Variants in TACC1 observed in about 807,000 individuals in gnomAD.
TACC1 encodes transforming acidic coiled-coil containing protein 1, also known as transforming acidic coiled-coil-containing protein 1.
In TACC1, 48 loss-of-function variants were observed where a neutral mutation model predicts 84.4. The ratio of observed to expected loss-of-function variants is 0.57; its 90% CI spans 0.45 to 0.72. TACC1 has a LOEUF of 0.72. Among genes scored for constraint, TACC1 ranks in the 30% least tolerant of loss-of-function variants. TACC1 has a pLI of 0.00. For missense variants in TACC1, 920 were observed against 973.0 expected (o/e 0.95, Z 0.72); for synonymous variants, 372 against 376.3 (o/e 0.99, Z 0.13).
At chr8:38,755,085 G>A (rs1302595877) in intron 3 of TACC1, among the ~76,000 whole-genome samples, 2 of 151,178 alleles carry the variant, frequency 1.3e-5, no homozygotes, top group East Asian at 1.9e-4. Flanking sequence ...ATTTGAACCC[G>A]GGAGGCAGAG....
intron 1 of TACC1, among the ~76,000 whole-genome samples, chr8:38,736,648 A>G (rs1806020914): frequency 6.6e-6 from 1 of 152,156 alleles, no homozygotes; most frequent in Non-Finnish European, 1.5e-5. Flanking sequence ...GATAACCTTT[A>G]CAGGTTCCAG....
At chr8:38,831,034 C>A (rs1463349145) in intron 5 of TACC1, 91 bp from the exon 6 acceptor site, 3 of 1,117,522 alleles carry the variant, frequency 2.7e-6, no homozygotes, top group Non-Finnish European at 4.0e-6. Context: ...ATAAGTCATT[C>A]TCGCCTGCAC....
Position 38,819,987 on chromosome 8 carries a change from CAG to C in TACC1, c.745_746del (p.Asp249HisfsTer20). The C allele has an allele frequency of 6.2e-7, 1 of 1,614,040 alleles. No homozygotes were observed. Among genetic ancestry groups the C allele is most frequent in the Non-Finnish European group, 8.5e-7 (1 of 1,180,048 alleles). ...AAGAAAGCAATTGGAGGAGAGTTCT[CAG>C]ACACCAACGCTGCTGTGGAGGGCAC... On this transcript the variant is annotated frameshift_variant, in exon 3 of 13. Transcript: ENST00000317827. LOFTEE classifies it high-confidence loss of function.
intron 7 of TACC1, among the ~76,000 whole-genome samples, chr8:38,837,998 G>A (rs1322430236): frequency 6.6e-6 from 1 of 152,254 alleles, no homozygotes; most frequent in Non-Finnish European, 1.5e-5. Context: ...CTATGAAGCT[G>A]TCAGAAATCT....
At chr8:38,773,194 C>T (rs977679936) in intron 3 of TACC1, among the ~76,000 whole-genome samples, 14 of 151,608 alleles carry the variant, frequency 9.2e-5, no homozygotes, top group Non-Finnish European at 1.5e-4. Flanking sequence ...GGCGTGGTGG[C>T]GGGCACCCGT....
chr8:38,757,292 C>A (rs1469952993), intron 3 of TACC1: 2 of 1,249,592 alleles, frequency 1.6e-6, no homozygotes, highest in African/African-American at 1.6e-5. Context: ...CGCCCGCCGC[C>A]CAGCACAGGA....
chr8:38,819,377 G>A, intron 2 of TACC1, 145 bp from the exon 3 acceptor site: 2 of 942,542 alleles, frequency 2.1e-6, no homozygotes, highest in Non-Finnish European at 3.1e-6. Flanking sequence ...TTCAGGCTGT[G>A]CTGCCATCCT....
At chr8:38,749,757 A>G (rs1808709848) in intron 3 of TACC1, among the ~76,000 whole-genome samples, 1 of 151,910 alleles carries the variant, frequency 6.6e-6, no homozygotes. Flanking sequence ...ACGCCTGGCT[A>G]ATTTTTGTAT....
chr8:38,746,338 C>G (rs1808090275), intron 3 of TACC1, among the ~76,000 whole-genome samples: 1 of 152,196 alleles, frequency 6.6e-6, no homozygotes, highest in Admixed American at 6.5e-5. Context: ...TTTATATTAG[C>G]TTGACTTAGA....
intron 2 of TACC1, among the ~76,000 whole-genome samples, chr8:38,811,231 C>T (rs573225077): frequency 7.6e-4 from 62 of 81,310 alleles, no homozygotes; most frequent in Middle Eastern, 5.1e-3. Context: ...ATGTCCAAGG[C>T]TAAACCCATG....
intron 6 of TACC1, among the ~76,000 whole-genome samples, chr8:38,834,859 T>G (rs887230664): frequency 3.3e-5 from 5 of 152,258 alleles, no homozygotes; most frequent in African/African-American, 1.2e-4. Context: ...TTATAATCAG[T>G]AACTAATTGA....
chr8:38,794,357 G>A (rs956780475), intron 2 of TACC1, among the ~76,000 whole-genome samples: 1 of 151,874 alleles, frequency 6.6e-6, no homozygotes, highest in Non-Finnish European at 1.5e-5. Context: ...GGCTGGTCTC[G>A]AACTCCTGGG....
At chr8:38,840,364 T>C in intron 9 of TACC1, 97 bp downstream of exon 9, 3 of 1,115,816 alleles carry the variant, frequency 2.7e-6, no homozygotes, top group South Asian at 1.3e-5. Flanking sequence ...AGGTAGCTTA[T>C]AAACAACAAA....
chr8:38,754,477 G>A (rs776660406), intron 3 of TACC1, among the ~76,000 whole-genome samples: 6 of 152,178 alleles, frequency 3.9e-5, no homozygotes, highest in South Asian at 2.1e-4. Context: ...GAAGGGAACC[G>A]CAGCTCTGAC....
At position 38,751,546 on chromosome 8, in the gene TACC1, C is replaced by T. The variant is rs138561021; in HGVS notation, c.26+6053C>T. 2.0e-5 allele frequency among the ~76,000 whole-genome samples: 3 copies of T among 152,294 alleles called. No individual in the cohort carries two copies. In the East Asian group the frequency reaches 5.8e-4, roughly 29 times the overall value. On this transcript the variant is annotated intron_variant, in intron 3 of 14. Transcript: ENST00000518415. ...TTTCTTACAAATTGAAAGTTTTTGG[C>T]AACCTTGTGTGGGATAAGTCTATTG...
chr8:38,733,697 C>G lies in TACC1; in HGVS notation c.-675+5026C>G, dbSNP rs180960103. 1.5e-3 allele frequency among the ~76,000 whole-genome samples: 228 copies of G among 152,220 alleles called. 1 individual carries two copies. Among genetic ancestry groups the G allele is most frequent in the African/African-American group, 5.1e-3 (210 of 41,520 alleles). ...TCTTCCTGGGTGCCCAGAGCCCTCT[C>G]CCTCTGTCCTTTTTCTTGGTGGCCC... On this transcript the variant is annotated intron_variant, in intron 1 of 14. Transcript: ENST00000518415.
At chr8:38,828,477 T>C (rs1021224557) in intron 5 of TACC1, among the ~76,000 whole-genome samples, 1 of 152,186 alleles carries the variant, frequency 6.6e-6, no homozygotes, top group Non-Finnish European at 1.5e-5. Context: ...AACTGTACTT[T>C]TATAGATAGT....
intron 1 of TACC1, among the ~76,000 whole-genome samples, chr8:38,735,656 A>T (rs764772327): frequency 1.7e-4 from 26 of 152,148 alleles, no homozygotes; most frequent in African/African-American, 6.3e-4. Flanking sequence ...CAGTGACAGC[A>T]TCTCCTACAG....
chr8:38,830,210 T>C (rs1828933089), intron 5 of TACC1, among the ~76,000 whole-genome samples: 1 of 152,196 alleles, frequency 6.6e-6, no homozygotes, highest in East Asian at 1.9e-4. Flanking sequence ...AACTTTAAAC[T>C]TTTGTATGCT....
Sources: gnomAD v4.1 joint callset for allele counts (sites outside exome capture counted in the v4.1 genomes callset) on GRCh38, gnomAD v4.1.1 for gene constraint, MANE v1.5 for transcripts, NCBI Gene and HGNC (gene_info 2026-07-23, HGNC 2026-07-21) for gene names.